ENG: variants seen among roughly 807,000 people sequenced by gnomAD.
The protein encoded by ENG is endoglin, also known as CD105 antigen.
ENG carries 17 observed loss-of-function variants against 71.0 expected under a neutral mutation model. That is an observed-to-expected ratio of 0.24 (90% confidence interval 0.16 to 0.36). The LOEUF (loss-of-function observed/expected upper bound fraction) is 0.36. ENG is among the 10% of genes least tolerant of loss of function. ENG has a pLI of 1.00. For synonymous variants in ENG, 360 were observed against 366.9 expected (o/e 0.98, Z 0.21); for missense variants, 749 against 868.3 (o/e 0.86, Z 1.73).
rs753572891 is a variant in ENG at position 127,826,692 on chromosome 9, C to G, written c.361-20G>C. The G allele has an allele frequency of 6.2e-7, 1 of 1,612,744 alleles. No homozygotes were observed. Among genetic ancestry groups the G allele is most frequent in the South Asian group, 1.1e-5 (1 of 91,024 alleles). ...GGAATTCTGGGGAGACATGTGGAGG[C>G]TCAGCACGCTGTTCCTGGCCCTGTG... On this transcript the variant is annotated intron_variant, in intron 3 of 14. Transcript: ENST00000373203.
chr9:127,843,883 T>C (rs1293112811), intron 1 of ENG, among the ~76,000 whole-genome samples: 1 of 143,910 alleles, frequency 6.9e-6, no homozygotes, highest in Non-Finnish European at 1.5e-5. Flanking sequence ...ATGATTCTCC[T>C]GCCTCAGCCT....
Position 127,843,224 on chromosome 9 carries a change from C to A in ENG, c.89G>T (p.Cys30Phe). 6.2e-7 allele frequency: 1 copy of A among 1,614,246 alleles called. No homozygotes were observed. The highest frequency in any genetic ancestry group is 8.5e-7 in the Non-Finnish European group (1 of 1,180,050). Reference sequence around the variant, plus strand: ...CTCGGGGCCCACAGGCTGAAGGTCACAATGGACTGTTTCTGCAAGACCTGT... The same window carrying A: ...CTCGGGGCCCACAGGCTGAAGGTCAAAATGGACTGTTTCTGCAAGACCTGT... ...SPTSLAETVH[C>F]DLQPVGPERG... The change falls in exon 2 of 15, where the codon TGT becomes TTT. Residue 30 changes from cysteine (C) to phenylalanine (F), a missense_variant. By Grantham distance (205) the Cys-to-Phe change is radical (BLOSUM62 -2). Coordinates refer to ENST00000373203, the MANE Select transcript of ENG (RefSeq NM_001114753.3).
At chr9:127,850,877 A>G (rs1278876241) in intron 1 of ENG, among the ~76,000 whole-genome samples, 5 of 152,244 alleles carry the variant, frequency 3.3e-5, no homozygotes, top group African/African-American at 1.2e-4. Context: ...AACAAAGGGG[A>G]AACCACCTAA....
At chr9:127,816,167 A>T in intron 13 of ENG, 114 bp from the exon 14 acceptor site, 1 of 1,285,978 alleles carries the variant, frequency 7.8e-7, no homozygotes, top group Non-Finnish European at 1.1e-6. Flanking sequence ...TGGACCCTCG[A>T]CTTCTCTGAA....
chr9:127,825,093 G>C (rs1830574353), intron 6 of ENG, 119 bp from the exon 7 acceptor site: 2 of 1,588,490 alleles, frequency 1.3e-6, no homozygotes, highest in Admixed American at 1.7e-5. Flanking sequence ...TGCGTCTTCT[G>C]CCTGGCCCCT....
At position 127,815,691 on chromosome 9, in the gene ENG, G is replaced by A; in HGVS notation, c.1968C>T (p.Ser656=). ...STQSTPCSTS[S]MA is the part of the protein sequence containing the mutation. ...GCGCGGGGGGCCGGGGCTATGCCATGCTGCTGGTGGAGCAGGGGGTGCTCT... is the reference window on the plus strand; with the variant it reads ...GCGCGGGGGGCCGGGGCTATGCCATACTGCTGGTGGAGCAGGGGGTGCTCT... The change falls in exon 15 of 15, where the codon AGC becomes AGT. Residue 656 remains serine, a synonymous_variant. Coordinates refer to ENST00000373203, the MANE Select transcript of ENG (RefSeq NM_001114753.3). 6 of 1,563,528 alleles carry A rather than the reference G, an allele frequency of 3.8e-6. No homozygotes were observed. The highest frequency in any genetic ancestry group is 5.2e-6 in the Non-Finnish European group (6 of 1,161,194).
intron 13 of ENG, 158 bp downstream of exon 13, chr9:127,816,991 G>C (rs930285764): frequency 8.6e-6 from 7 of 814,478 alleles, no homozygotes; most frequent in Non-Finnish European, 1.4e-5. Context: ...AGGCTGCTAT[G>C]GCTCTGGGAA....
chr9:127,815,759 A>C lies in ENG; in HGVS notation c.1900T>G (p.Ser634Ala), dbSNP rs1040594389. 10 of 1,546,022 alleles carry C rather than the reference A, an allele frequency of 6.5e-6. No individual in the cohort carries two copies. Among genetic ancestry groups the C allele is most frequent in the Non-Finnish European group, 8.7e-6 (10 of 1,148,656 alleles). ...EPVVAVAAPA[S>A]SESSSTNHSI... ...TGGTTGGTGCTGCTGCTCTCCGAGG[A>C]GGCCGGGGCAGCCACCGCCACCACG... The change falls in exon 15 of 15, where the codon TCC becomes GCC. Residue 634 changes from serine (S) to alanine (A), a missense_variant. Ser to Ala is a moderately conservative substitution (Grantham distance 99, BLOSUM62 1). Coordinates refer to ENST00000373203, the MANE Select transcript of ENG (RefSeq NM_001114753.3).
Position 127,837,162 on chromosome 9 carries a change from C to A in ENG, c.219+5932G>T, listed in dbSNP as rs1830920639. On this transcript the variant is annotated intron_variant, in intron 2 of 14. Transcript: ENST00000373203. ...AGGAGAGCCATCCACAGTTTAGGGG[C>A]TGGGAAGCATGGGTCCAGTTAGAGG... Among the ~76,000 whole-genome samples the A allele has an allele frequency of 2.0e-5, 3 of 152,156 alleles. No individual in the cohort carries two copies. The South Asian group carries it at 6.2e-4, about 31-fold the overall frequency.
chr9:127,816,400 G>A, intron 13 of ENG: 1 of 410,028 alleles, frequency 2.4e-6, no homozygotes, highest in East Asian at 5.4e-5. Flanking sequence ...CATGACCTTG[G>A]GTCAACCCTG....
Position 127,815,668 on chromosome 9 carries a change from G to T in ENG, c.*14C>A. 6.4e-7 allele frequency: 1 copy of T among 1,553,040 alleles called. No individual in the cohort carries two copies. The highest frequency in any genetic ancestry group is 2.4e-5 in the East Asian group (1 of 42,286). On this transcript the variant is annotated 3_prime_UTR_variant, in exon 15 of 15. Coordinates refer to ENST00000373203, the MANE Select transcript of ENG (RefSeq NM_001114753.3). ...GCTCAGTCTCTCCTGCTGGGCGAGC[G>T]CGGGGGGCCGGGGCTATGCCATGCT...
intron 2 of ENG, among the ~76,000 whole-genome samples, chr9:127,831,516 T>C (rs1037448802): frequency 2.6e-5 from 4 of 151,790 alleles, no homozygotes; most frequent in Non-Finnish European, 5.9e-5. Context: ...GCCTCCCGAG[T>C]AGCTGGGACT....
rs1564452574 is a variant in ENG, at chr9:127,818,203, G to A, written c.1603C>T (p.His535Tyr). ...EGDPRFSFLL[H>Y]FYTVPIPKTG... ...TTGGGTATGGGTACTGTGTAGAAGTGGAGGAGGAAGCTGAAGCGCGGGTCA... is the reference window on the plus strand; with the variant it reads ...TTGGGTATGGGTACTGTGTAGAAGTAGAGGAGGAAGCTGAAGCGCGGGTCA... The change falls in exon 12 of 15, where the codon CAC becomes TAC. Residue 535 changes from histidine (H) to tyrosine (Y), a missense_variant. By Grantham distance (83) the His-to-Tyr change is moderately conservative. Coordinates refer to ENST00000373203, the MANE Select transcript of ENG (RefSeq NM_001114753.3). 1 of 1,614,174 alleles carries A rather than the reference G, an allele frequency of 6.2e-7. No individual in the cohort carries two copies. Among genetic ancestry groups the A allele is most frequent in the South Asian group, 1.1e-5 (1 of 91,088 alleles).
intron 3 of ENG, among the ~76,000 whole-genome samples, chr9:127,829,082 G>C (rs41436346): frequency 0.022 from 3,307 of 152,204 alleles, 108 homozygotes; most frequent in African/African-American, 0.076. Context: ...TAAAAGTTGA[G>C]GCTTTTGGTT....
intron 7 of ENG, 68 bp downstream of exon 7, chr9:127,824,732 T>C (rs1431342457): frequency 4.9e-6 from 7 of 1,421,218 alleles, no homozygotes; most frequent in Non-Finnish European, 6.5e-6. Flanking sequence ...CAGAGGTGCT[T>C]CACCAACAGT....
rs746992491 is a variant in ENG, at chr9:127,818,384, G to A, written c.1429-7C>T. On this transcript the variant is annotated splice_polypyrimidine_tract_variant and splice_region_variant and intron_variant, in intron 11 of 14. Coordinates refer to ENST00000373203, the MANE Select transcript of ENG (RefSeq NM_001114753.3). ...CGGATGGGGACACTCTGACCTGCAT[G>A]GGTAGGTAGGGCCACGCGGCATGGG... The A allele has an allele frequency of 5.6e-6, 9 of 1,612,958 alleles. No homozygotes were observed. The South Asian group carries it at 9.9e-5, about 18-fold the overall frequency.
chr9:127,851,871 T>C (rs912235190), intron 1 of ENG, among the ~76,000 whole-genome samples: 1 of 152,098 alleles, frequency 6.6e-6, no homozygotes, highest in Non-Finnish European at 1.5e-5. Flanking sequence ...AGAGCAAGAC[T>C]GTCTCAAAAA....
At position 127,836,185 on chromosome 9, in the gene ENG, G is replaced by A. The variant is rs1024754193; in HGVS notation, c.220-6358C>T. On this transcript the variant is annotated intron_variant, in intron 2 of 14. Coordinates refer to ENST00000373203, the MANE Select transcript of ENG (RefSeq NM_001114753.3). The surrounding 1 kb of genome is among the most constrained non-coding windows in gnomAD (Gnocchi z 4.0). ...GGCCCCAGAGGCAAAAAACGATGGCGCCAGCCTTGCCCCCAACCCCAAGCT... is the reference window on the plus strand; with the variant it reads ...GGCCCCAGAGGCAAAAAACGATGGCACCAGCCTTGCCCCCAACCCCAAGCT... Among the ~76,000 whole-genome samples the A allele has an allele frequency of 6.6e-6, 1 of 152,164 alleles. No individual in the cohort carries two copies. The highest frequency in any genetic ancestry group is 1.5e-5 in the Non-Finnish European group (1 of 68,028).
rs568966397 is a variant in ENG at position 127,846,391 on chromosome 9, G to A, written c.68-3146C>T. ...TGACCAGGCCGGGCCTCGGACCCGC[G>A]TCTCCCAACATGACCCAGTGTCTGG... On this transcript the variant is annotated intron_variant, in intron 1 of 14. Transcript: ENST00000373203. The surrounding 1 kb of genome is among the most constrained non-coding windows in gnomAD (Gnocchi z 5.5). Among the ~76,000 whole-genome samples, 30 of 152,250 alleles carry A rather than the reference G, an allele frequency of 2.0e-4. No homozygotes were observed. Among genetic ancestry groups the A allele is most frequent in the Non-Finnish European group, 2.9e-4 (20 of 68,014 alleles).
Sources: gnomAD v4.1 joint callset for allele counts (sites outside exome capture counted in the v4.1 genomes callset) on GRCh38, gnomAD v4.1.1 for gene constraint, Gnocchi (gnomAD v3.1) non-coding constraint, MANE v1.5 for transcripts, NCBI Gene and HGNC (gene_info 2026-07-23, HGNC 2026-07-21) for gene names.